Variants in SPATA31H1 observed in about 807,000 individuals in gnomAD.
SPATA31H1 encodes spermatogenesis-associated protein 31H1.
At chr2:27,540,553 G>A in the SPATA31H1 span, among the ~76,000 whole-genome samples, 3 of 142,076 alleles carry the variant, frequency 2.1e-5, no homozygotes, top group South Asian at 4.8e-4. Context: ...CCTCCCGGTC[G>A]GGGTGGCTGC....
At chr2:27,571,077 C>A in the SPATA31H1 span, 1 of 398,444 alleles carries the variant, frequency 2.5e-6, no homozygotes. Flanking sequence ...AACCTCAGAG[C>A]CACAGCTAGA....
At chr2:27,581,065 A>G in the SPATA31H1 span, 2 of 1,614,186 alleles carry the variant, frequency 1.2e-6, no homozygotes, top group South Asian at 1.1e-5. Context: ...ACCTCCAGCC[A>G]GGAGTCTAAG....
chr2:27,571,106 A>G, the SPATA31H1 span: 1 of 398,260 alleles, frequency 2.5e-6, no homozygotes, highest in Non-Finnish European at 4.4e-6. Flanking sequence ...CATCTGCGGA[A>G]TTAATCTCAG....
the SPATA31H1 span, among the ~76,000 whole-genome samples, chr2:27,555,019 T>C: frequency 6.6e-6 from 1 of 152,128 alleles, no homozygotes; most frequent in African/African-American, 2.4e-5. Flanking sequence ...GACATAAACA[T>C]TGAGCCCATT....
chr2:27,582,386 G>A, the SPATA31H1 span: 1 of 1,614,110 alleles, frequency 6.2e-7, no homozygotes, highest in Non-Finnish European at 8.5e-7. Context: ...GTCCCCTTAA[G>A]GAGGGACTCA....
At chr2:27,550,440 A>G in the SPATA31H1 span, among the ~76,000 whole-genome samples, 2 of 118,124 alleles carry the variant, frequency 1.7e-5, no homozygotes, top group East Asian at 2.4e-4. Context: ...TTTTTTTGAG[A>G]CAGAGTCTCA....
the SPATA31H1 span, chr2:27,579,705 C>A: frequency 1.9e-6 from 3 of 1,614,120 alleles, no homozygotes; most frequent in Non-Finnish European, 2.5e-6. Flanking sequence ...AGATCTTGTT[C>A]CAATGGAAGA....
chr2:27,577,396 A>G, the SPATA31H1 span: 1 of 1,613,996 alleles, frequency 6.2e-7, no homozygotes, highest in Non-Finnish European at 8.5e-7. The surrounding 1 kb of genome is among the most constrained non-coding windows in gnomAD (Gnocchi z 4.5). Flanking sequence ...TACTTTACAG[A>G]AGCTATGGGG....
chr2:27,543,009 C>T, the SPATA31H1 span, among the ~76,000 whole-genome samples: 3 of 151,982 alleles, frequency 2.0e-5, no homozygotes, highest in African/African-American at 7.3e-5. Context: ...GGCTCAGTGG[C>T]TTGAACCTGG....
the SPATA31H1 span, chr2:27,578,394 C>T: frequency 6.2e-7 from 1 of 1,614,106 alleles, no homozygotes; most frequent in Non-Finnish European, 8.5e-7. Flanking sequence ...GGAGTTAGCA[C>T]CAGGACCAAT....
chr2:27,545,810 C>G, the SPATA31H1 span, among the ~76,000 whole-genome samples: 1 of 151,564 alleles, frequency 6.6e-6, no homozygotes, highest in East Asian at 1.9e-4. Flanking sequence ...TGATCTGCCC[C>G]CCTCGGTCTC....
chr2:27,566,023 A>G, the SPATA31H1 span: 2 of 717,440 alleles, frequency 2.8e-6, no homozygotes, highest in Non-Finnish European at 5.2e-6. Flanking sequence ...AGGCTGACAG[A>G]TTCTTCACCT....
the SPATA31H1 span, chr2:27,575,670 A>C: frequency 2.5e-6 from 1 of 398,490 alleles, no homozygotes; most frequent in Non-Finnish European, 4.4e-6. This position sits in a 1 kb window ranked among gnomAD's most constrained non-coding sequence, Gnocchi z 4.1. Flanking sequence ...TCAGTGTGTA[A>C]ATTCTACTGG....
chr2:27,537,608 C>T, the SPATA31H1 span: 20 of 710,990 alleles, frequency 2.8e-5, 1 homozygote, highest in South Asian at 9.1e-5. Context: ...TAACTGGTCC[C>T]GCTCCTGAGG....
the SPATA31H1 span, among the ~76,000 whole-genome samples, chr2:27,556,687 C>CAT: frequency 5.9e-3 from 392 of 66,408 alleles, 8 homozygotes; most frequent in African/African-American, 0.019. Context: ...ATATAAAGGG[C>CAT]ATATATTTTT....
the SPATA31H1 span, chr2:27,574,553 A>G: frequency 2.5e-6 from 1 of 398,512 alleles, no homozygotes; most frequent in Non-Finnish European, 4.4e-6. Flanking sequence ...AAGGTATAAA[A>G]TCTTCTGAGG....
At chr2:27,553,829 G>GGA in the SPATA31H1 span, among the ~76,000 whole-genome samples, 1 of 151,946 alleles carries the variant, frequency 6.6e-6, no homozygotes, top group Admixed American at 6.5e-5. Context: ...GGCTGAGGCA[G>GGA]GAGAATTGCT....
chr2:27,566,269 A>G, the SPATA31H1 span: 4 of 716,648 alleles, frequency 5.6e-6, no homozygotes, highest in Non-Finnish European at 7.8e-6. Flanking sequence ...AATTACATTG[A>G]CATACACTGT....
the SPATA31H1 span, among the ~76,000 whole-genome samples, chr2:27,548,534 G>A: frequency 6.6e-6 from 1 of 151,018 alleles, no homozygotes; most frequent in Admixed American, 6.6e-5. Context: ...CTTGAGCCTC[G>A]GGGGAAGAGG....
Sources: allele counts gnomAD v4.1 joint callset (sites outside exome capture counted in the v4.1 genomes callset), GRCh38; gene constraint gnomAD v4.1.1; non-coding constraint Gnocchi (gnomAD v3.1); transcripts MANE v1.5; gene names NCBI Gene and HGNC (gene_info 2026-07-23, HGNC 2026-07-21).